Variants in STIM1 observed in about 807,000 individuals in gnomAD.
STIM1 encodes the protein stromal interaction molecule 1.
A neutral mutation model predicts 74.7 loss-of-function variants in STIM1; 25 were observed. That is an observed-to-expected ratio of 0.33 (90% confidence interval 0.24 to 0.47). STIM1 has a LOEUF of 0.47. STIM1 is among the 20% of genes least tolerant of loss of function. The pLI is 1.00. For synonymous variants in STIM1, 328 were observed against 348.8 expected (o/e 0.94, Z 0.66); for missense variants, 728 against 920.8 (o/e 0.79, Z 2.71).
intron 2 of STIM1, among the ~76,000 whole-genome samples, chr11:3,985,411 T>C (rs1416579565): frequency 2.0e-5 from 3 of 152,170 alleles, no homozygotes; most frequent in African/African-American, 7.2e-5. Context: ...CATTTAGATG[T>C]GTCTGTGTAA....
intron 1 of STIM1, among the ~76,000 whole-genome samples, chr11:3,934,683 G>A (rs1468770301): frequency 6.6e-6 from 1 of 152,204 alleles, no homozygotes; most frequent in East Asian, 1.9e-4. Context: ...AGATGATTGT[G>A]TACAACTATC....
At chr11:4,086,838 G>A (rs2094496775) in intron 12 of STIM1, 1 of 1,534,700 alleles carries the variant, frequency 6.5e-7, no homozygotes, top group Admixed American at 2.0e-5. Flanking sequence ...CCGCTGTGAT[G>A]CCTGGGCATT....
At chr11:4,043,675 C>T (rs899092036) in intron 3 of STIM1, among the ~76,000 whole-genome samples, 7 of 152,044 alleles carry the variant, frequency 4.6e-5, no homozygotes, top group Non-Finnish European at 8.8e-5. Context: ...CGTATATTGG[C>T]AATGTGTGTA....
chr11:3,979,206 C>T (rs1051806890), intron 2 of STIM1, among the ~76,000 whole-genome samples: 3 of 152,018 alleles, frequency 2.0e-5, no homozygotes, highest in African/African-American at 7.3e-5. Context: ...TAATTATATT[C>T]CCTTTTGTGC....
chr11:4,006,209 A>G (rs2093779098), intron 2 of STIM1, among the ~76,000 whole-genome samples: 1 of 152,086 alleles, frequency 6.6e-6, no homozygotes, highest in South Asian at 2.1e-4. Context: ...GAAGTGTGGT[A>G]GCACCTCCCC....
At chr11:3,903,988 G>A (rs1437863650) in intron 1 of STIM1, among the ~76,000 whole-genome samples, 2 of 152,082 alleles carry the variant, frequency 1.3e-5, no homozygotes, top group African/African-American at 4.8e-5. Flanking sequence ...CACGAGGTCA[G>A]CAGTTCGAGA....
Position 3,885,769 on chromosome 11 carries a change from C to G in STIM1, c.139+29360C>G, listed in dbSNP as rs375355047. Among the ~76,000 whole-genome samples the G allele has an allele frequency of 1.1e-4, 16 of 152,260 alleles. No homozygotes were observed. The South Asian group carries it at 1.5e-3, about 14-fold the overall frequency. On this transcript the variant is annotated intron_variant, in intron 1 of 12. Coordinates refer to ENST00000526596, the MANE Select transcript of STIM1 (RefSeq NM_001382567.1). Reference sequence around the variant, plus strand: ...TCTCTCACGTCAGCCTGCTGAGTAGCTGGGACTGCAGGCATGAGCAACCAC... The same window carrying G: ...TCTCTCACGTCAGCCTGCTGAGTAGGTGGGACTGCAGGCATGAGCAACCAC...
chr11:3,988,530 C>G (rs1237583380), intron 2 of STIM1, among the ~76,000 whole-genome samples: 3 of 152,064 alleles, frequency 2.0e-5, no homozygotes, highest in Non-Finnish European at 4.4e-5. Context: ...AAGAGGCTAT[C>G]AAGTACCGGT....
At chr11:4,090,697 G>C (rs1363366692) in intron 12 of STIM1, among the ~76,000 whole-genome samples, 1 of 152,174 alleles carries the variant, frequency 6.6e-6, no homozygotes, top group Non-Finnish European at 1.5e-5. Flanking sequence ...TGGTGACTCG[G>C]AGCAGGCTGT....
intron 2 of STIM1, among the ~76,000 whole-genome samples, chr11:4,002,343 C>T (rs2093726833): frequency 1.3e-5 from 2 of 149,846 alleles, no homozygotes; most frequent in Admixed American, 6.6e-5. Context: ...GGAAGTAAAG[C>T]ACTCCTCAGC....
intron 1 of STIM1, among the ~76,000 whole-genome samples, chr11:3,953,640 A>G (rs1301292477): frequency 1.3e-5 from 2 of 152,208 alleles, no homozygotes; most frequent in Non-Finnish European, 2.9e-5. Flanking sequence ...GTGTTAAAAG[A>G]GCAACGGCCT....
intron 1 of STIM1, 112 bp downstream of exon 1, chr11:3,856,521 C>A: frequency 7.7e-7 from 1 of 1,299,208 alleles, no homozygotes; most frequent in Non-Finnish European, 1.0e-6. Context: ...ATGGAGGATT[C>A]ACACATGGCA....
chr11:4,013,298 G>A (rs542561572), intron 2 of STIM1, among the ~76,000 whole-genome samples: 10 of 152,270 alleles, frequency 6.6e-5, no homozygotes, highest in African/African-American at 2.4e-4. Context: ...AGAAGGAATG[G>A]TACCAGCTCC....
In STIM1 at chr11:4,045,266, A is replaced by G. The variant is rs116592251; in HGVS notation, c.386-10260A>G. On this transcript the variant is annotated intron_variant, in intron 3 of 12. Coordinates refer to ENST00000526596, the MANE Select transcript of STIM1 (RefSeq NM_001382567.1). ...GTCGACTTCCCTTGGCAGCAGTGGCAGGAGTGTGTTGTTCTCTGTACTTTA... is the reference window on the plus strand; with the variant it reads ...GTCGACTTCCCTTGGCAGCAGTGGCGGGAGTGTGTTGTTCTCTGTACTTTA... Among the ~76,000 whole-genome samples the G allele has an allele frequency of 2.3e-3, 354 of 152,208 alleles. 3 individuals carry two copies. The highest frequency in any genetic ancestry group is 8.1e-3 in the African/African-American group (335 of 41,546).
chr11:3,873,213 C>T (rs1443472664), intron 1 of STIM1, among the ~76,000 whole-genome samples: 8 of 151,926 alleles, frequency 5.3e-5, no homozygotes, highest in South Asian at 2.1e-4. Context: ...GTAGGGAGTT[C>T]GAGAGCAGCC....
intron 3 of STIM1, among the ~76,000 whole-genome samples, chr11:4,037,548 G>T (rs922043592): frequency 6.6e-6 from 1 of 152,100 alleles, no homozygotes; most frequent in Non-Finnish European, 1.5e-5. Flanking sequence ...TTTATCCTTC[G>T]TGGTAATCTT....
rs150330444 is a variant in STIM1, at chr11:4,058,927, G to A, written c.498-354G>A. ...GTTTGACCTGGGCTGCACAGGAAAT[G>A]CATTTATAAATGGTAGGAGGTGGGG... On this transcript the variant is annotated intron_variant, in intron 4 of 12. Transcript: ENST00000526596. 1.6e-3 allele frequency: 1,777 copies of A among 1,131,056 alleles called. 24 individuals are homozygous for A. In the African/African-American group the frequency reaches 0.026, roughly 17 times the overall value. 70.1% of individuals were successfully genotyped at this position (1,131,056 alleles called of 1,614,324 possible).
At chr11:3,905,532 C>A (rs939067100) in intron 1 of STIM1, among the ~76,000 whole-genome samples, 1 of 151,984 alleles carries the variant, frequency 6.6e-6, no homozygotes, top group African/African-American at 2.4e-5. Flanking sequence ...CTGAAGCCTG[C>A]GGTCACTAGA....
chr11:3,907,343 T>G (rs1324464247), intron 1 of STIM1, among the ~76,000 whole-genome samples: 3 of 152,240 alleles, frequency 2.0e-5, no homozygotes, highest in Non-Finnish European at 4.4e-5. Context: ...GATTTCTCCC[T>G]GAATTTTAGA....
Sources: gnomAD v4.1 joint callset for allele counts (sites outside exome capture counted in the v4.1 genomes callset) on GRCh38, gnomAD v4.1.1 for gene constraint, MANE v1.5 for transcripts, NCBI Gene and HGNC (gene_info 2026-07-23, HGNC 2026-07-21) for gene names.